TULP3: variants seen among roughly 807,000 people sequenced by gnomAD.
The protein encoded by TULP3 is TUB like protein 3.
A neutral mutation model predicts 50.7 loss-of-function variants in TULP3; 38 were observed. That is an observed-to-expected ratio of 0.75 (90% CI 0.58 to 0.98). The LOEUF (loss-of-function observed/expected upper bound fraction) is 0.98, where lower values mean the gene tolerates loss of function less well. TULP3 is among the 50% of genes least tolerant of loss of function. The pLI is 0.00. For synonymous variants in TULP3, 183 were observed against 196.6 expected (o/e 0.93, Z 0.58); for missense variants, 550 against 568.0 (o/e 0.97, Z 0.32).
chr12:2,937,538 T>G, intron 8 of TULP3, 93 bp from the exon 9 acceptor site: 1 of 919,868 alleles, frequency 1.1e-6, no homozygotes. Flanking sequence ...ATTGTCAGCA[T>G]CTTACATTCC....
At chr12:2,909,249 G>A (rs1303309100) in intron 1 of TULP3, among the ~76,000 whole-genome samples, 1 of 152,124 alleles carries the variant, frequency 6.6e-6, no homozygotes, top group African/African-American at 2.4e-5. Flanking sequence ...CTAAGACATT[G>A]TTTAAAACAA....
At chr12:2,925,528 T>G (rs975012120) in intron 4 of TULP3, among the ~76,000 whole-genome samples, 3 of 152,136 alleles carry the variant, frequency 2.0e-5, no homozygotes, top group Non-Finnish European at 4.4e-5. Flanking sequence ...AGCCTGACAT[T>G]GTGAGTGTCC....
At chr12:2,931,295 A>C in intron 6 of TULP3, 55 bp downstream of exon 6, 1 of 1,572,552 alleles carries the variant, frequency 6.4e-7, no homozygotes, top group Non-Finnish European at 8.7e-7. Context: ...TGTTGTGGGA[A>C]TAGATTGTTG....
intron 2 of TULP3, among the ~76,000 whole-genome samples, chr12:2,918,917 G>A (rs1427678667): frequency 2.7e-5 from 4 of 148,968 alleles, no homozygotes; most frequent in East Asian, 4.0e-4. Context: ...ACAGAGTCTC[G>A]AGTCTTGCTC....
In TULP3 at chr12:2,899,131, A is replaced by AG. The variant is rs1325100607; in HGVS notation, c.41+8145dup. On this transcript the variant is annotated intron_variant, in intron 1 of 10. Transcript: ENST00000448120. ...GAGGCTCATGCGGGTGGGTCACCTG[A>AG]GGTCAGGAGTTAGAGACCAGCCTGA... 7.2e-5 allele frequency among the ~76,000 whole-genome samples: 11 copies of AG among 151,932 alleles called. No homozygotes were observed. In the East Asian group the frequency reaches 2.2e-3, roughly 30 times the overall value.
At chr12:2,938,317 G>C (rs2098202741) in intron 10 of TULP3, 32 bp downstream of exon 10, 1 of 1,605,826 alleles carries the variant, frequency 6.2e-7, no homozygotes, top group Non-Finnish European at 8.5e-7. Flanking sequence ...GGTGGGAAGA[G>C]GAGGACAGAT....
rs200507827 is a variant in TULP3 at position 2,931,050 on chromosome 12, C to A, written c.506C>A (p.Ser169Tyr). The A allele has an allele frequency of 1.3e-5, 21 of 1,614,078 alleles. No individual in the cohort carries two copies. The Admixed American group carries it at 1.8e-4, about 14-fold the overall frequency. Residue 169 changes from serine to tyrosine, a missense_variant, in exon 6 of 11, where the codon TCC becomes TAC. By Grantham distance (144) the Ser-to-Tyr change is moderately radical (BLOSUM62 -2). Transcript: ENST00000448120. ...SSQNSTDTGT[S>Y]GSATAAQPAD... Reference sequence around the variant, plus strand: ...CTGTCCTTTCAGGATACAGGCACTTCCGGTTCTGCTACTGCCGCCCAACCA... The same window carrying A: ...CTGTCCTTTCAGGATACAGGCACTTACGGTTCTGCTACTGCCGCCCAACCA...
chr12:2,918,504 A>T (rs938941119), intron 2 of TULP3, among the ~76,000 whole-genome samples: 2 of 152,138 alleles, frequency 1.3e-5, no homozygotes, highest in Admixed American at 1.3e-4. Flanking sequence ...GCAGTTTCTT[A>T]TGATTTCAGT....
In TULP3 at chr12:2,916,464, A is replaced by G. The variant is rs111827001; in HGVS notation, c.94-4299A>G. On this transcript the variant is annotated intron_variant, in intron 2 of 10. Transcript: ENST00000448120. ...GGAAGATAGATTCTTTTACAGTTCA[A>G]TTCCCAAGATAATTAGGAAATTTAA... Among the ~76,000 whole-genome samples, 337 of 152,284 alleles carry G rather than the reference A, an allele frequency of 2.2e-3. 1 individual carries two copies. Among genetic ancestry groups the G allele is most frequent in the African/African-American group, 7.4e-3 (308 of 41,552 alleles).
chr12:2,940,690 G>T lies in TULP3; in HGVS notation c.*1246G>T, dbSNP rs181954310. The T allele has an allele frequency of 2.6e-6, 4 of 1,551,472 alleles. No individual in the cohort carries two copies. Among genetic ancestry groups the T allele is most frequent in the Admixed American group, 2.0e-5 (1 of 50,974 alleles). On this transcript the variant is annotated 3_prime_UTR_variant, in exon 11 of 11. Transcript: ENST00000448120. ...TTCTGTGGACTGACCTCTCACCTCC[G>T]CCTGTTGTTCCTGCACCACATCAGA... is the stretch of plus-strand genomic sequence containing the variant.
At chr12:2,928,814 G>A (rs998475689) in intron 4 of TULP3, among the ~76,000 whole-genome samples, 18 of 151,378 alleles carry the variant, frequency 1.2e-4, no homozygotes, top group East Asian at 4.0e-4. Context: ...GCTTCGTGGC[G>A]CACACCTGTA....
At chr12:2,910,035 G>T (rs1370169406) in intron 2 of TULP3, among the ~76,000 whole-genome samples, 2 of 152,184 alleles carry the variant, frequency 1.3e-5, no homozygotes, top group African/African-American at 4.8e-5. Context: ...GCTCACGCCT[G>T]TCATCCCAGC....
At chr12:2,905,842 G>A (rs740766) in intron 1 of TULP3, among the ~76,000 whole-genome samples, 72,111 of 150,872 alleles carry the variant, frequency 0.48, 17,690 homozygotes, top group African/African-American at 0.6. Context: ...TTTAGCATGG[G>A]TGGGGAATGA....
chr12:2,931,692 G>A (rs2098198135), intron 6 of TULP3, among the ~76,000 whole-genome samples: 1 of 152,128 alleles, frequency 6.6e-6, no homozygotes, highest in African/African-American at 2.4e-5. Flanking sequence ...TATTTTATAA[G>A]TTTGAGCCAG....
intron 2 of TULP3, among the ~76,000 whole-genome samples, chr12:2,911,427 A>C (rs1217892815): frequency 6.6e-6 from 1 of 150,978 alleles, no homozygotes; most frequent in Non-Finnish European, 1.5e-5. Context: ...ATCTTGCCTC[A>C]CTGCAAGCTC....
intron 1 of TULP3, among the ~76,000 whole-genome samples, chr12:2,896,355 T>C (rs1424704449): frequency 2.0e-5 from 3 of 152,328 alleles, no homozygotes; most frequent in East Asian, 3.9e-4. Flanking sequence ...ATTCACTGGC[T>C]TGGAAGTTCT....
chr12:2,932,904 T>C (rs2098198934), intron 6 of TULP3, among the ~76,000 whole-genome samples: 1 of 152,102 alleles, frequency 6.6e-6, no homozygotes, highest in African/African-American at 2.4e-5. Context: ...AGAAAAACTG[T>C]ATAGGAAGAA....
intron 1 of TULP3, among the ~76,000 whole-genome samples, chr12:2,907,981 TAA>T (rs774411301): frequency 1.1e-4 from 17 of 152,098 alleles, no homozygotes; most frequent in Non-Finnish European, 1.5e-4. Flanking sequence ...ATGAGTGAAT[TAA>T]TAGAGAGGCA....
chr12:2,893,365 G>C (rs111934181), intron 1 of TULP3, among the ~76,000 whole-genome samples: 1 of 134,036 alleles, frequency 7.5e-6, no homozygotes, highest in Non-Finnish European at 1.5e-5. Context: ...TTTCGCTCTC[G>C]TCGCCCAGGC....
Sources: gnomAD v4.1 joint callset for allele counts (sites outside exome capture counted in the v4.1 genomes callset) on GRCh38, gnomAD v4.1.1 for gene constraint, MANE v1.5 for transcripts, NCBI Gene and HGNC (gene_info 2026-07-23, HGNC 2026-07-21) for gene names.